LRRC7: variants seen among roughly 807,000 people sequenced by gnomAD.
LRRC7 encodes leucine rich repeat containing 7.
A neutral mutation model predicts 175.7 loss-of-function variants in LRRC7; 23 were observed. That is an observed-to-expected ratio of 0.13 (90% CI 0.09 to 0.19). The LOEUF (loss-of-function observed/expected upper bound fraction) is 0.19, where lower values mean the gene tolerates loss of function less well. LRRC7 is among the 10% of genes least tolerant of loss of function. The pLI is 1.00. For missense variants in LRRC7, 1,354 were observed against 1,904.7 expected (o/e 0.71, Z 5.38); for synonymous variants, 685 against 680.9 (o/e 1.01, Z -0.09).
At chr1:69,773,940 G>T (rs1201455804) in intron 3 of LRRC7, among the ~76,000 whole-genome samples, 1 of 152,118 alleles carries the variant, frequency 6.6e-6, no homozygotes, top group African/African-American at 2.4e-5. Flanking sequence ...GATTGCTTGA[G>T]CCCAAGAGTT....
At chr1:69,805,984 C>A (rs192902280) in intron 4 of LRRC7, among the ~76,000 whole-genome samples, 1 of 151,916 alleles carries the variant, frequency 6.6e-6, no homozygotes, top group East Asian at 1.9e-4. Flanking sequence ...AAGTGATGAA[C>A]CTGTCTTCCA....
At chr1:69,945,957 A>G (rs1208288371) in intron 8 of LRRC7, among the ~76,000 whole-genome samples, 1 of 152,070 alleles carries the variant, frequency 6.6e-6, no homozygotes, top group African/African-American at 2.4e-5. Flanking sequence ...TTCTATTTGC[A>G]TGCCTATTTC....
intron 4 of LRRC7, among the ~76,000 whole-genome samples, chr1:69,792,411 TTC>T (rs936115381): frequency 1.1e-4 from 16 of 152,164 alleles, no homozygotes; most frequent in African/African-American, 3.8e-4. Context: ...ATCTAATCTT[TTC>T]TAGAATCGTT....
chr1:69,688,643 T>A (rs528228877), intron 2 of LRRC7, among the ~76,000 whole-genome samples: 96 of 139,672 alleles, frequency 6.9e-4, no homozygotes, highest in African/African-American at 2.0e-3. Context: ...TTTTTTTTTT[T>A]TTAAAAAAAA....
rs1336973166 is a variant in LRRC7 at position 70,142,268 on chromosome 1, T to C, written c.*20381T>C. ...ATCTGGTTCAGGTCAGTAAGGACTG[T>C]TGTATGTAAGTTTTACTCTAGAAAA... On this transcript the variant is annotated 3_prime_UTR_variant, in exon 27 of 27. Coordinates refer to ENST00000651989, the MANE Select transcript of LRRC7 (RefSeq NM_001370785.2). 2 of 152,150 alleles carry C rather than the reference T, an allele frequency of 1.3e-5. No individual in the cohort carries two copies. Among genetic ancestry groups the C allele is most frequent in the Admixed American group, 6.5e-5 (1 of 15,270 alleles). The allele number at this position is 152,150 out of a possible 1,614,324, so 9.4% of individuals were successfully genotyped here. A position where few individuals can be genotyped will look rare whatever the true frequency, so the allele number is the denominator to read the frequency against.
At chr1:69,854,050 G>C (rs1176828530) in intron 7 of LRRC7, among the ~76,000 whole-genome samples, 4 of 152,116 alleles carry the variant, frequency 2.6e-5, no homozygotes, top group African/African-American at 9.7e-5. Flanking sequence ...ACTGTGGCCT[G>C]TTTTTTAGTT....
chr1:69,970,859 A>G (rs1570855319), intron 8 of LRRC7, among the ~76,000 whole-genome samples: 1 of 152,196 alleles, frequency 6.6e-6, no homozygotes, highest in East Asian at 1.9e-4. Context: ...TCCCTGATGA[A>G]CATAGATGCT....
chr1:69,751,233 A>G (rs1669815192), intron 2 of LRRC7, among the ~76,000 whole-genome samples: 1 of 152,184 alleles, frequency 6.6e-6, no homozygotes, highest in African/African-American at 2.4e-5. Context: ...CTTACTATCC[A>G]ATAAATTCAG....
chr1:69,925,740 C>T (rs1647050247), intron 7 of LRRC7, among the ~76,000 whole-genome samples: 1 of 151,940 alleles, frequency 6.6e-6, no homozygotes, highest in African/African-American at 2.4e-5. Flanking sequence ...TTGATCCTTG[C>T]AAAAAACCAG....
intron 11 of LRRC7, among the ~76,000 whole-genome samples, chr1:69,994,837 A>G (rs1251052192): frequency 6.6e-6 from 1 of 152,140 alleles, no homozygotes; most frequent in Non-Finnish European, 1.5e-5. Flanking sequence ...ATCCAACTTT[A>G]TAATATCATG....
At chr1:70,114,982 A>G (rs763667582) in intron 26 of LRRC7, among the ~76,000 whole-genome samples, 7 of 152,192 alleles carry the variant, frequency 4.6e-5, no homozygotes, top group African/African-American at 1.2e-4. Flanking sequence ...CAAGATATCT[A>G]TTACTGACAG....
chr1:69,949,239 A>G (rs533574286), intron 8 of LRRC7, among the ~76,000 whole-genome samples: 2 of 152,058 alleles, frequency 1.3e-5, no homozygotes, highest in African/African-American at 4.8e-5. Flanking sequence ...TTCTTTCTCT[A>G]TGCATTTACA....
intron 26 of LRRC7, among the ~76,000 whole-genome samples, chr1:70,113,467 C>T (rs1414929210): frequency 3.3e-5 from 5 of 152,142 alleles, no homozygotes; most frequent in Non-Finnish European, 4.4e-5. Context: ...AGGTGAAAGC[C>T]TTTGGCTCCA....
chr1:69,792,780 T>C (rs1675273157), intron 4 of LRRC7, among the ~76,000 whole-genome samples: 1 of 152,092 alleles, frequency 6.6e-6, no homozygotes, highest in Non-Finnish European at 1.5e-5. Flanking sequence ...GACAGACTTG[T>C]ATATCTGGTG....
chr1:69,816,997 T>C (rs1389576306), intron 4 of LRRC7, among the ~76,000 whole-genome samples: 1 of 152,138 alleles, frequency 6.6e-6, no homozygotes. Flanking sequence ...GGCCAAATAA[T>C]ATTTCATTGT....
chr1:69,860,697 C>G (rs770311507), intron 7 of LRRC7, among the ~76,000 whole-genome samples: 1 of 151,798 alleles, frequency 6.6e-6, no homozygotes, highest in Non-Finnish European at 1.5e-5. Flanking sequence ...ACTAGAGCAA[C>G]AAAACCTATG....
At chr1:70,115,128 G>A (rs1442652842) in intron 26 of LRRC7, among the ~76,000 whole-genome samples, 1 of 152,166 alleles carries the variant, frequency 6.6e-6, no homozygotes. Flanking sequence ...AACTGTGTAT[G>A]TATTCAGGAA....
intron 1 of LRRC7, among the ~76,000 whole-genome samples, chr1:69,641,883 A>C (rs1319890430): frequency 1.3e-5 from 2 of 151,838 alleles, no homozygotes; most frequent in Non-Finnish European, 2.9e-5. Context: ...TTATTCAAGT[A>C]GTCAAATATC....
chr1:69,656,278 A>G (rs1430207641), intron 1 of LRRC7, among the ~76,000 whole-genome samples: 1 of 151,992 alleles, frequency 6.6e-6, no homozygotes, highest in Non-Finnish European at 1.5e-5. Flanking sequence ...AATTCCTGAA[A>G]ATTTGAGTTC....
Sources: allele counts gnomAD v4.1 joint callset (sites outside exome capture counted in the v4.1 genomes callset), GRCh38; gene constraint gnomAD v4.1.1; transcripts MANE v1.5; gene names NCBI Gene and HGNC (gene_info 2026-07-23, HGNC 2026-07-21).